Variants in CTNNA3 observed in about 807,000 individuals in gnomAD.
CTNNA3 encodes catenin alpha-3.
In CTNNA3, 76 loss-of-function variants were observed where a neutral mutation model predicts 95.7. The observed-to-expected ratio is 0.79, with a 90% confidence interval of 0.66 to 0.96. The LOEUF is 0.96. Among genes scored for constraint, CTNNA3 ranks in the 40% least tolerant of loss-of-function variants. The probability of loss-of-function intolerance (pLI) is 0.00; values close to 1 mark genes in which losing one functional copy is unlikely to be tolerated. For synonymous variants in CTNNA3, 431 were observed against 374.4 expected, an observed-to-expected ratio of 1.15 and a Z score of -1.74; for missense variants, 1,191 against 1,089.8, an observed-to-expected ratio of 1.09 and a Z score of -1.31.
chr10:66,688,963 C>CAAA (rs58515946), intron 9 of CTNNA3, among the ~76,000 whole-genome samples: 7 of 86,886 alleles, frequency 8.1e-5, no homozygotes, highest in Non-Finnish European at 1.9e-4. Flanking sequence ...GACTCCATCT[C>CAAA]AAAAAAAAAA....
chr10:67,641,832 G>C (rs1245641030), intron 2 of CTNNA3, among the ~76,000 whole-genome samples: 1 of 152,106 alleles, frequency 6.6e-6, no homozygotes, highest in Admixed American at 6.6e-5. Context: ...ACAGGAAGGG[G>C]AACATCACAC....
At chr10:67,152,456 C>T (rs1255063612) in intron 7 of CTNNA3, among the ~76,000 whole-genome samples, 1 of 152,132 alleles carries the variant, frequency 6.6e-6, no homozygotes, top group African/African-American at 2.4e-5. Context: ...CGTTTAGTGT[C>T]ATAATTAGTA....
At chr10:66,850,119 A>G (rs897167365) in intron 7 of CTNNA3, among the ~76,000 whole-genome samples, 4 of 152,196 alleles carry the variant, frequency 2.6e-5, no homozygotes, top group African/African-American at 4.8e-5. Flanking sequence ...TCAAGAAATA[A>G]AGAAGAAAAA....
At chr10:67,488,672 CTTT>C (rs565227051) in intron 5 of CTNNA3, among the ~76,000 whole-genome samples, 6 of 130,754 alleles carry the variant, frequency 4.6e-5, no homozygotes, top group Admixed American at 7.6e-5. Flanking sequence ...TGCCCGGCCT[CTTT>C]TTTTTTTTTT....
chr10:66,323,853 G>A (rs972513829), intron 12 of CTNNA3, among the ~76,000 whole-genome samples: 3 of 151,928 alleles, frequency 2.0e-5, no homozygotes, highest in African/African-American at 4.8e-5. Flanking sequence ...ACAAGCAGAT[G>A]AACAGCAGAA....
intron 9 of CTNNA3, among the ~76,000 whole-genome samples, chr10:66,709,915 T>C (rs1234754760): frequency 6.6e-6 from 1 of 152,146 alleles, no homozygotes; most frequent in African/African-American, 2.4e-5. Context: ...TATACAATTA[T>C]GATATTTGAA....
rs114305941 is a variant in CTNNA3, at chr10:66,295,162, C to G, written c.1733-14541G>C. On this transcript the variant is annotated intron_variant, in intron 12 of 17. Transcript: ENST00000433211. ...GACTGTGGAACTCAAAATTACTGTT[C>G]AAATGTAAGATGGAAATATTTATTG... Among the ~76,000 whole-genome samples the G allele has an allele frequency of 9.4e-3, 1,430 of 152,072 alleles. 17 individuals carry two copies. Among genetic ancestry groups the G allele is most frequent in the African/African-American group, 0.032 (1,320 of 41,522 alleles).
chr10:67,485,693 T>C (rs1848419839), intron 5 of CTNNA3, among the ~76,000 whole-genome samples: 1 of 152,186 alleles, frequency 6.6e-6, no homozygotes, highest in Non-Finnish European at 1.5e-5. Flanking sequence ...TAACAAGTGT[T>C]AATCTCCCCT....
At chr10:67,154,382 T>A (rs1181936140) in intron 7 of CTNNA3, among the ~76,000 whole-genome samples, 2 of 152,186 alleles carry the variant, frequency 1.3e-5, no homozygotes, top group East Asian at 3.9e-4. Context: ...AGAGAGGAGA[T>A]GGATAACATC....
At chr10:67,339,988 G>A (rs1298035574) in intron 5 of CTNNA3, among the ~76,000 whole-genome samples, 2 of 152,130 alleles carry the variant, frequency 1.3e-5, no homozygotes, top group African/African-American at 4.8e-5. Context: ...AAAAAGATGT[G>A]TGCTTTCAGT....
chr10:65,957,454 C>T (rs1208129991), intron 17 of CTNNA3, among the ~76,000 whole-genome samples: 2 of 152,152 alleles, frequency 1.3e-5, no homozygotes, highest in Admixed American at 1.3e-4. Context: ...GGTTATTTTG[C>T]TTGTTAGTTG....
chr10:67,315,279 C>T (rs560768665), intron 5 of CTNNA3, among the ~76,000 whole-genome samples: 1 of 152,222 alleles, frequency 6.6e-6, no homozygotes, highest in Non-Finnish European at 1.5e-5. Context: ...TTTCCTTACC[C>T]CAAAATATTA....
At position 66,172,775 on chromosome 10, in the gene CTNNA3, T is replaced by G. The variant is rs367658568; in HGVS notation, c.1885-69526A>C. 2.0e-3 allele frequency among the ~76,000 whole-genome samples: 297 copies of G among 152,278 alleles called. 1 individual carries two copies. The South Asian group carries it at 0.027, about 14-fold the overall frequency. On this transcript the variant is annotated intron_variant, in intron 13 of 17. Transcript: ENST00000433211. Reference sequence around the variant, plus strand: ...GTGTTGCAGCTAGCTTGTCCTCACATTCATATCTAAACCCTGAGCTACAAA... The same window carrying G: ...GTGTTGCAGCTAGCTTGTCCTCACAGTCATATCTAAACCCTGAGCTACAAA...
intron 5 of CTNNA3, among the ~76,000 whole-genome samples, chr10:67,400,537 G>C (rs1343370579): frequency 6.6e-6 from 1 of 152,162 alleles, no homozygotes; most frequent in Admixed American, 6.5e-5. Flanking sequence ...TTAGGAAGAA[G>C]ATGATATTGA....
intron 12 of CTNNA3, among the ~76,000 whole-genome samples, chr10:66,304,141 G>C (rs994692986): frequency 6.6e-6 from 1 of 152,030 alleles, no homozygotes; most frequent in South Asian, 2.1e-4. Context: ...AAACATATTG[G>C]GGGGAAGAAG....
At chr10:67,587,226 TG>T (rs1249410879) in intron 3 of CTNNA3, among the ~76,000 whole-genome samples, 1 of 150,718 alleles carries the variant, frequency 6.6e-6, no homozygotes, top group Non-Finnish European at 1.5e-5. Context: ...TGTGTGTGTG[TG>T]TGTGTGTGTG....
chr10:67,288,167 G>A (rs1238903903), intron 5 of CTNNA3, among the ~76,000 whole-genome samples: 3 of 152,130 alleles, frequency 2.0e-5, no homozygotes, highest in Non-Finnish European at 4.4e-5. Context: ...ATTGTAAAAT[G>A]TCTTTGAAAT....
intron 10 of CTNNA3, among the ~76,000 whole-genome samples, chr10:66,610,246 G>A (rs148910724): frequency 8.9e-6 from 1 of 112,554 alleles, no homozygotes; most frequent in Non-Finnish European, 1.7e-5. Flanking sequence ...ATACCCATGG[G>A]GGGGCTATGT....
intron 15 of CTNNA3, among the ~76,000 whole-genome samples, chr10:65,997,760 T>C (rs1457643304): frequency 6.6e-6 from 1 of 152,184 alleles, no homozygotes; most frequent in Non-Finnish European, 1.5e-5. Context: ...CTTCTGCCTG[T>C]AATCCCAGCA....
Sources: allele counts gnomAD v4.1 joint callset (sites outside exome capture counted in the v4.1 genomes callset), GRCh38; gene constraint gnomAD v4.1.1; transcripts MANE v1.5; gene names NCBI Gene and HGNC (gene_info 2026-07-23, HGNC 2026-07-21).